LMF1: variants seen among roughly 807,000 people sequenced by gnomAD.
The protein encoded by LMF1 is transmembrane protein 112.
Under a neutral mutation model 60.6 loss-of-function variants are expected in LMF1, and 68 were observed. The observed-to-expected ratio is 1.12, with a 90% confidence interval of 0.92 to 1.37. LMF1 has a LOEUF of 1.37. Ranked by LOEUF, LMF1 falls within the 40% of genes most tolerant of loss-of-function variation. The probability of loss-of-function intolerance (pLI) is 0.00; values close to 1 mark genes in which losing one functional copy is unlikely to be tolerated. For missense variants in LMF1, 948 were observed against 767.2 expected, an observed-to-expected ratio of 1.24 and a Z score of -2.78; for synonymous variants, 418 against 324.7, an observed-to-expected ratio of 1.29 and a Z score of -3.09.
intron 1 of LMF1, among the ~76,000 whole-genome samples, chr16:966,503 G>A (rs769788854): frequency 1.3e-5 from 2 of 152,342 alleles, no homozygotes; most frequent in African/African-American, 2.4e-5. Context: ...AAATGCCAAC[G>A]TTACCCAGTC....
At chr16:920,265 C>T (rs536772633) in intron 3 of LMF1, among the ~76,000 whole-genome samples, 2 of 152,372 alleles carry the variant, frequency 1.3e-5, no homozygotes, top group South Asian at 4.1e-4. Flanking sequence ...CCCCACAGCA[C>T]GCACTGCATG....
chr16:918,955 C>T (rs756600056), intron 3 of LMF1, among the ~76,000 whole-genome samples: 26 of 150,576 alleles, frequency 1.7e-4, no homozygotes, highest in Non-Finnish European at 3.1e-4. Flanking sequence ...GTCTCACTCC[C>T]GAGTAGCGGT....
intron 10 of LMF1, among the ~76,000 whole-genome samples, chr16:858,334 G>C (rs372271055): frequency 2.2e-5 from 1 of 44,570 alleles, no homozygotes; most frequent in Non-Finnish European, 4.1e-5. Flanking sequence ...ATGGGTGTGA[G>C]TGGTGTCTCG....
At chr16:872,662 CAG>C (rs1337819690) in intron 6 of LMF1, 1 of 152,404 alleles carries the variant, frequency 6.6e-6, no homozygotes, top group African/African-American at 2.4e-5. Context: ...GCTCCCGTGA[CAG>C]GGAGGGTGCA....
At chr16:922,302 G>T (rs1413612993) in intron 3 of LMF1, among the ~76,000 whole-genome samples, 2 of 152,196 alleles carry the variant, frequency 1.3e-5, no homozygotes, top group African/African-American at 2.4e-5. Flanking sequence ...CTCCCGAGGG[G>T]GGCCACAGAG....
chr16:907,416 A>G (rs1444151458), intron 4 of LMF1, among the ~76,000 whole-genome samples: 1 of 152,058 alleles, frequency 6.6e-6, no homozygotes, highest in East Asian at 1.9e-4. Flanking sequence ...GAAAAAAAAA[A>G]AAGAAATACA....
In LMF1 at chr16:911,074, C is replaced by T; in HGVS notation, c.520G>A (p.Glu174Lys). The T allele has an allele frequency of 6.2e-7, 1 of 1,611,352 alleles. No homozygotes were observed. The highest frequency in any genetic ancestry group is 8.5e-7 in the Non-Finnish European group (1 of 1,179,096). ...VGHVWYSFGW[E>K]SQLLETGFLG... ...AACCCCGTCTCCAGAAGCTGGGACTCCCATCCTAAAACAACGAGACATACC... is the reference window on the plus strand; with the variant it reads ...AACCCCGTCTCCAGAAGCTGGGACTTCCATCCTAAAACAACGAGACATACC... Residue 174 changes from glutamate to lysine, a missense_variant, in exon 4 of 11, where the codon GAG becomes AAG. Glu to Lys is a moderately conservative substitution (Grantham distance 56). Coordinates refer to ENST00000262301, the MANE Select transcript of LMF1 (RefSeq NM_022773.4).
chr16:930,602 A>C (rs2071752309), intron 3 of LMF1, among the ~76,000 whole-genome samples: 1 of 152,230 alleles, frequency 6.6e-6, no homozygotes, highest in African/African-American at 2.4e-5. Context: ...TCATCCTGAG[A>C]AAAAGGAAGA....
intron 6 of LMF1, among the ~76,000 whole-genome samples, chr16:877,365 G>A (rs967994641): frequency 6.6e-6 from 1 of 152,238 alleles, no homozygotes; most frequent in Non-Finnish European, 1.5e-5. Context: ...CGGCCCGCAA[G>A]GGTGATCAGT....
At chr16:883,389 C>T (rs1269109236) in intron 5 of LMF1, among the ~76,000 whole-genome samples, 2 of 152,270 alleles carry the variant, frequency 1.3e-5, no homozygotes, top group East Asian at 1.9e-4. Flanking sequence ...GAACCTGTCA[C>T]AGGACCAGGA....
At position 875,046 on chromosome 16, in the gene LMF1, C is replaced by T. The variant is rs569063856; in HGVS notation, c.898-3705G>A. 1.4e-3 allele frequency among the ~76,000 whole-genome samples: 216 copies of T among 152,294 alleles called. 2 individuals carry two copies. The highest frequency in any genetic ancestry group is 2.7e-3 in the Non-Finnish European group (181 of 68,022). On this transcript the variant is annotated intron_variant, in intron 6 of 10. Transcript: ENST00000262301. Reference sequence around the variant, plus strand: ...TCCAAGGGGGGACGCCAGGCCACGCCGCAGAGCACAGCCACGACCCTGGTG... The same window carrying T: ...TCCAAGGGGGGACGCCAGGCCACGCTGCAGAGCACAGCCACGACCCTGGTG...
chr16:921,740 G>A (rs761847499), intron 3 of LMF1, among the ~76,000 whole-genome samples: 35 of 152,172 alleles, frequency 2.3e-4, no homozygotes, highest in South Asian at 4.1e-4. Flanking sequence ...ACGCAGGGAC[G>A]GGGGACACGG....
At chr16:925,901 GTC>G (rs1310323406) in intron 3 of LMF1, among the ~76,000 whole-genome samples, 1 of 152,284 alleles carries the variant, frequency 6.6e-6, no homozygotes, top group African/African-American at 2.4e-5. Flanking sequence ...CTGCATGTGT[GTC>G]TGTGTGCATG....
chr16:907,121 G>C (rs916830737), intron 4 of LMF1, among the ~76,000 whole-genome samples: 37 of 152,158 alleles, frequency 2.4e-4, no homozygotes, highest in African/African-American at 8.0e-4. Flanking sequence ...TAACTGATTT[G>C]CCAGGTGTGG....
At chr16:979,022 T>A in intron 1 of LMF1, 2 of 454,016 alleles carry the variant, frequency 4.4e-6, no homozygotes, top group South Asian at 3.1e-5. Flanking sequence ...CTTTTGGAGT[T>A]ACCTGCTGCC....
chr16:979,147 C>T (rs893480297), intron 1 of LMF1: 5 of 445,410 alleles, frequency 1.1e-5, no homozygotes, highest in Admixed American at 2.4e-5. Flanking sequence ...TACCTGGTGA[C>T]CCTCAAGCCA....
At chr16:893,528 G>A (rs1324675844) in intron 4 of LMF1, among the ~76,000 whole-genome samples, 2 of 152,174 alleles carry the variant, frequency 1.3e-5, no homozygotes, top group African/African-American at 2.4e-5. Context: ...GCGGCACAAA[G>A]GGAGCCGAGG....
chr16:970,739 G>A (rs1351902729), intron 1 of LMF1, 49 bp downstream of exon 1: 16 of 1,466,980 alleles, frequency 1.1e-5, no homozygotes, highest in Non-Finnish European at 1.3e-5. Flanking sequence ...GGGGGTCGTG[G>A]TGCGCGGAGG....
At chr16:947,394 C>T (rs1271562301) in intron 2 of LMF1, 1 of 439,208 alleles carries the variant, frequency 2.3e-6, no homozygotes, top group South Asian at 1.6e-5. Flanking sequence ...TGTGGAACCT[C>T]CTTACATTGA....
Sources: gnomAD v4.1 joint callset for allele counts (sites outside exome capture counted in the v4.1 genomes callset) on GRCh38, gnomAD v4.1.1 for gene constraint, MANE v1.5 for transcripts, NCBI Gene and HGNC (gene_info 2026-07-23, HGNC 2026-07-21) for gene names.